The following UBOX5 variants were observed in gnomAD, a reference collection of about 807,000 sequenced individuals.
The protein encoded by UBOX5 is U-box domain containing 5.
UBOX5 carries 28 observed loss-of-function variants against 39.0 expected under a neutral mutation model. The ratio of observed to expected loss-of-function variants is 0.72; its 90% CI spans 0.53 to 0.98. UBOX5 has a LOEUF of 0.98. Ranked by LOEUF, UBOX5 falls within the 50% of genes least tolerant of loss-of-function variation. UBOX5 has a pLI of 0.00. For synonymous variants in UBOX5, 283 were observed against 275.5 expected (o/e 1.03, Z -0.27); for missense variants, 585 against 674.4 (o/e 0.87, Z 1.47).
intron 2 of UBOX5, 109 bp downstream of exon 2, chr20:3,123,203 G>C: frequency 2.5e-6 from 3 of 1,179,378 alleles, no homozygotes; most frequent in Admixed American, 1.8e-5. Context: ...AAAGTAACAA[G>C]AGCAAAAGTG....
intron 1 of UBOX5, among the ~76,000 whole-genome samples, chr20:3,128,587 C>A (rs1008551937): frequency 3.3e-4 from 50 of 152,234 alleles, no homozygotes; most frequent in African/African-American, 1.2e-3. Context: ...CAAAGCCGGG[C>A]GGAGTGGCTC....
At chr20:3,143,036 C>CA (rs1381671634) in intron 1 of UBOX5, among the ~76,000 whole-genome samples, 2 of 138,108 alleles carry the variant, frequency 1.4e-5, no homozygotes, top group African/African-American at 5.4e-5. Flanking sequence ...CACACAGCAA[C>CA]AAAAAAAATT....
rs139208881 is a variant in UBOX5, at chr20:3,115,472, G to A, written c.1256-6C>T. 2,795 of 1,610,686 alleles carry A rather than the reference G, an allele frequency of 1.7e-3. 14 individuals are homozygous for A. Among genetic ancestry groups the A allele is most frequent in the Admixed American group, 1.5e-3 (89 of 59,596 alleles). ...CTGCTCGTGGGACAGTGGACCTGTC[G>A]AGAGATGCGCACAGCACAACATCCA... On this transcript the variant is annotated splice_polypyrimidine_tract_variant and splice_region_variant and intron_variant, in intron 3 of 4. Coordinates refer to ENST00000217173, the MANE Select transcript of UBOX5 (RefSeq NM_014948.4).
At chr20:3,122,668 C>G in intron 2 of UBOX5, 84 bp from the exon 3 acceptor site, 1 of 1,465,708 alleles carries the variant, frequency 6.8e-7, no homozygotes, top group Non-Finnish European at 9.0e-7. Flanking sequence ...GCCTGAGGTT[C>G]CTCGTTTTAA....
chr20:3,142,772 C>CAAAAA (rs58907108), intron 1 of UBOX5, among the ~76,000 whole-genome samples: 21 of 77,650 alleles, frequency 2.7e-4, no homozygotes, highest in East Asian at 7.5e-4. Context: ...AACTCTGTCT[C>CAAAAA]AAAAAAAAAA....
chr20:3,140,454 AAC>A (rs1377702812), intron 1 of UBOX5, among the ~76,000 whole-genome samples: 3 of 152,210 alleles, frequency 2.0e-5, no homozygotes, highest in African/African-American at 7.2e-5. Context: ...GCACCTTAGT[AAC>A]AGTGTCAGCA....
Position 3,122,265 on chromosome 20 carries a change from T to G in UBOX5, c.374A>C (p.Asn125Thr), listed in dbSNP as rs778526779. The stretch of plus-strand genomic sequence containing the variant: ...GTGGCTAAACACCACTTGGCTCTGG[T>G]TTTTCAGTAAGACTTTGCCTACCAA... ...FTLVGKVLLK[N>T]QSQVVFSHRG... Residue 125 changes from asparagine to threonine, a missense_variant, in exon 3 of 5, where the codon AAC becomes ACC. Physicochemically the swap from Asn to Thr is moderately conservative, Grantham distance 65. Transcript: ENST00000217173. 1 of 1,614,112 alleles carries G rather than the reference T, an allele frequency of 6.2e-7. No homozygotes were observed. Among genetic ancestry groups the G allele is most frequent in the Non-Finnish European group, 8.5e-7 (1 of 1,180,010 alleles).
chr20:3,151,683 C>G (rs918420445), intron 1 of UBOX5: 13 of 151,142 alleles, frequency 8.6e-5, no homozygotes, highest in African/African-American at 3.1e-4. Flanking sequence ...ATTGGAAAAA[C>G]TATAGAAAAA....
chr20:3,115,532 C>A, intron 3 of UBOX5, 66 bp from the exon 4 acceptor site: 3 of 1,494,246 alleles, frequency 2.0e-6, no homozygotes, highest in Non-Finnish European at 2.7e-6. Flanking sequence ...AGCCTCAAGT[C>A]CTTCGAGGGC....
chr20:3,124,063 A>T (rs2066358536), intron 1 of UBOX5, among the ~76,000 whole-genome samples: 1 of 151,874 alleles, frequency 6.6e-6, no homozygotes, highest in South Asian at 2.1e-4. Context: ...GGATCTTGCT[A>T]TGTCTGATAT....
At chr20:3,147,834 C>A (rs747106787) in intron 1 of UBOX5, 4 of 1,614,098 alleles carry the variant, frequency 2.5e-6, no homozygotes, top group Non-Finnish European at 3.4e-6. Context: ...GCAGCCACTG[C>A]ATTCATTACT....
rs557436621 is a variant in UBOX5 at position 3,121,175 on chromosome 20, G to A, written c.1255+209C>T. Among the ~76,000 whole-genome samples the A allele has an allele frequency of 2.0e-5, 3 of 152,262 alleles. No homozygotes were observed. The South Asian group carries it at 6.2e-4, about 32-fold the overall frequency. On this transcript the variant is annotated intron_variant, in intron 3 of 4. Coordinates refer to ENST00000217173, the MANE Select transcript of UBOX5 (RefSeq NM_014948.4). ...AGCCTCGGAACAGATGAGAATAGACGAGAACACATGGAACCCCTCCAAGGC... is the reference window on the plus strand; with the variant it reads ...AGCCTCGGAACAGATGAGAATAGACAAGAACACATGGAACCCCTCCAAGGC...
intron 3 of UBOX5, among the ~76,000 whole-genome samples, chr20:3,118,750 C>A (rs1026216393): frequency 6.6e-6 from 1 of 151,494 alleles, no homozygotes; most frequent in Admixed American, 6.6e-5. Context: ...CCAGCCTGGG[C>A]GACAGAGCGA....
At chr20:3,115,577 G>T in intron 3 of UBOX5, 111 bp from the exon 4 acceptor site, 2 of 1,188,996 alleles carry the variant, frequency 1.7e-6, no homozygotes, top group Non-Finnish European at 2.3e-6. Context: ...ACACATCAAT[G>T]TAATGAAACT....
At chr20:3,146,680 A>ATCGCCAAACTTACATTC in intron 1 of UBOX5, 1 of 1,430,170 alleles carries the variant, frequency 7.0e-7, no homozygotes, top group Non-Finnish European at 9.5e-7. Flanking sequence ...ACACTATTTT[A>ATCGCCAAACTTACATTC]TCGCCAAACT....
At chr20:3,117,063 T>A (rs1286338302) in intron 3 of UBOX5, among the ~76,000 whole-genome samples, 1 of 150,976 alleles carries the variant, frequency 6.6e-6, no homozygotes, top group Non-Finnish European at 1.5e-5. Flanking sequence ...ACTACTGCAC[T>A]CCAGCCTGGG....
intron 1 of UBOX5, among the ~76,000 whole-genome samples, chr20:3,157,885 G>A (rs561473064): frequency 4.1e-4 from 63 of 152,192 alleles, no homozygotes; most frequent in African/African-American, 1.4e-3. Context: ...AATAAAGAAG[G>A]AGTTTCAGAA....
chr20:3,114,175 G>A (rs1398430275), intron 4 of UBOX5, among the ~76,000 whole-genome samples: 6 of 152,124 alleles, frequency 3.9e-5, no homozygotes, highest in African/African-American at 1.4e-4. Flanking sequence ...TGCTGTCAGG[G>A]CGGCAGGATG....
rs1467904490 is a variant in UBOX5 at position 3,149,282 on chromosome 20, A to G, written c.-42+10484T>C. 2 of 555,660 alleles carry G rather than the reference A, an allele frequency of 3.6e-6. No individual in the cohort carries two copies. Among genetic ancestry groups the G allele is most frequent in the Non-Finnish European group, 6.4e-6 (2 of 312,826 alleles). 34.4% of individuals were successfully genotyped at this position (555,660 alleles called of 1,614,324 possible). A position where few individuals can be genotyped will look rare whatever the true frequency, so the allele number is the denominator to read the frequency against. ...GATACTGAAAAAAGGGTAGATGAAGAATGAGTGGCTTCTACCTATAAAAGC... is the reference window on the plus strand; with the variant it reads ...GATACTGAAAAAAGGGTAGATGAAGGATGAGTGGCTTCTACCTATAAAAGC... On this transcript the variant is annotated intron_variant, in intron 1 of 4. Coordinates refer to ENST00000217173, the MANE Select transcript of UBOX5 (RefSeq NM_014948.4). This position sits in a 1 kb window ranked among gnomAD's most constrained non-coding sequence, Gnocchi z 4.1.
Sources: gnomAD v4.1 joint callset for allele counts (sites outside exome capture counted in the v4.1 genomes callset) on GRCh38, gnomAD v4.1.1 for gene constraint, Gnocchi (gnomAD v3.1) non-coding constraint, MANE v1.5 for transcripts, NCBI Gene and HGNC (gene_info 2026-07-23, HGNC 2026-07-21) for gene names.